Variants in RUSC1 observed in about 807,000 individuals in gnomAD.
RUSC1 encodes the protein AP-4 complex accessory subunit RUSC1.
RUSC1 carries 40 observed loss-of-function variants against 72.1 expected under a neutral mutation model. The observed-to-expected ratio is 0.55, with a 90% CI of 0.43 to 0.72. The LOEUF (loss-of-function observed/expected upper bound fraction) is 0.72, where lower values mean the gene tolerates loss of function less well. RUSC1 is among the 30% of genes least tolerant of loss of function. The pLI, the probability that RUSC1 is intolerant of heterozygous loss-of-function variation, is 0.00. For synonymous variants in RUSC1, 512 were observed against 494.2 expected (o/e 1.04, Z -0.48); for missense variants, 1,092 against 1,172.3 (o/e 0.93, Z 1.00).
Position 155,321,732 on chromosome 1 carries a change from C to A in RUSC1, c.-42C>A, listed in dbSNP as rs1650552153. The A allele has an allele frequency of 6.2e-7, 1 of 1,610,240 alleles. No individual in the cohort carries two copies. Among genetic ancestry groups the A allele is most frequent in the South Asian group, 1.1e-5 (1 of 90,758 alleles). On this transcript the variant is annotated 5_prime_UTR_variant, in exon 2 of 10. Transcript: ENST00000368352. ...AGGTAGGTGGATGTGAGAGACCCTA[C>A]CCTTCTGGTTCTCTAGAAGCCATCC...
chr1:155,324,235 C>G, intron 2 of RUSC1: 1 of 1,450,192 alleles, frequency 6.9e-7, no homozygotes, highest in Non-Finnish European at 9.1e-7. Flanking sequence ...CTCATTGGCA[C>G]TAGAGGTTCT....
rs1557996985 is a variant in RUSC1 at position 155,325,723 on chromosome 1, C to T, written c.1814+51C>T. 1.9e-6 allele frequency: 3 copies of T among 1,599,212 alleles called. No homozygotes were observed. The highest frequency in any genetic ancestry group is 2.6e-6 in the Non-Finnish European group (3 of 1,167,782). On this transcript the variant is annotated intron_variant, in intron 6 of 9. Transcript: ENST00000368352. The surrounding 1 kb of genome is among the most constrained non-coding windows in gnomAD (Gnocchi z 6.5). ...TTCCCACGACCTGGGACTGCAGGAGCGTCATGGGTGGGACACAGTAGTAGT... is the reference window on the plus strand; with the variant it reads ...TTCCCACGACCTGGGACTGCAGGAGTGTCATGGGTGGGACACAGTAGTAGT...
chr1:155,330,326 C>T, intron 9 of RUSC1, 77 bp from the exon 10 acceptor site: 1 of 1,476,920 alleles, frequency 6.8e-7, no homozygotes, highest in Non-Finnish European at 9.4e-7. Context: ...AACAAGGGCA[C>T]TCTAGAGGTG....
rs1176281653 is a variant in RUSC1, at chr1:155,326,405, G to C, written c.1862-175G>C. Reference sequence around the variant, plus strand: ...TGTGTGTGTCTTCCTATTTGGGCTAGGTTCCATGCAGGCGGGGATGTCAGT... The same window carrying C: ...TGTGTGTGTCTTCCTATTTGGGCTACGTTCCATGCAGGCGGGGATGTCAGT... On this transcript the variant is annotated intron_variant, in intron 7 of 9. Transcript: ENST00000368352. The surrounding 1 kb of genome is among the most constrained non-coding windows in gnomAD (Gnocchi z 4.7). 1.6e-6 allele frequency: 1 copy of C among 637,960 alleles called. No individual in the cohort carries two copies. Among genetic ancestry groups the C allele is most frequent in the Non-Finnish European group, 2.7e-6 (1 of 373,690 alleles). The allele number at this position is 637,960 out of a possible 1,614,324, so 39.5% of individuals were successfully genotyped here. A position where few individuals can be genotyped will look rare whatever the true frequency, so the allele number is the denominator to read the frequency against.
At position 155,325,465 on chromosome 1, in the gene RUSC1, C is replaced by T; in HGVS notation, c.1683C>T (p.Ser561=). ...ITGQRRSSPW[S]VVEASVKPGS... is the part of the protein sequence containing the mutation. ...GGCAGCGCAGGAGCAGCCCCTGGAG[C>T]GTGGTGGAGGCGTCGGTGAAGCCAG... The change falls in exon 5 of 10, where the codon AGC becomes AGT. Residue 561 remains serine, a synonymous_variant. Coordinates refer to ENST00000368352, the MANE Select transcript of RUSC1 (RefSeq NM_001105203.2). The surrounding 1 kb of genome is among the most constrained non-coding windows in gnomAD (Gnocchi z 6.5). The T allele has an allele frequency of 2.5e-6, 4 of 1,593,168 alleles. No individual in the cohort carries two copies. The highest frequency in any genetic ancestry group is 3.4e-6 in the Non-Finnish European group (4 of 1,173,320).
rs776308437 is a variant in RUSC1, at chr1:155,326,682, C to T, written c.1964C>T (p.Ser655Leu). Residue 655 changes from serine (S) to leucine (L), a missense_variant, in exon 8 of 10, where the codon TCG becomes TTG. Coordinates refer to ENST00000368352, the MANE Select transcript of RUSC1 (RefSeq NM_001105203.2). The surrounding 1 kb of genome is among the most constrained non-coding windows in gnomAD (Gnocchi z 4.7). ...TELLLLLQPL[S>L]VLTFHLDLLF... ...CTGCTGCTCCTGCTGCAGCCATTGT[C>T]GGTGCTCACTTTCCACCTGGACCTG... 8 of 1,613,680 alleles carry T rather than the reference C, an allele frequency of 5.0e-6. No individual in the cohort carries two copies. Among genetic ancestry groups the T allele is most frequent in the East Asian group, 2.2e-5 (1 of 44,900 alleles).
At chr1:155,324,201 G>A (rs958808967) in intron 2 of RUSC1, 2 of 1,409,192 alleles carry the variant, frequency 1.4e-6, no homozygotes, top group African/African-American at 2.9e-5. Context: ...GCTAGGGAGG[G>A]GTGGAGGGTG....
chr1:155,329,343 CCCAAAGTGCTGG>C (rs113170045), intron 9 of RUSC1, among the ~76,000 whole-genome samples: 1,624 of 151,096 alleles, frequency 0.011, 37 homozygotes, highest in African/African-American at 0.035. Context: ...ACCTTGGCCT[CCCAAAGTGCTGG>C]GATTACAGGT....
chr1:155,322,715 G>T lies in RUSC1; in HGVS notation c.942G>T (p.Thr314=). 6.2e-7 allele frequency: 1 copy of T among 1,614,212 alleles called. No homozygotes were observed. Among genetic ancestry groups the T allele is most frequent in the Non-Finnish European group, 8.5e-7 (1 of 1,180,026 alleles). Residue 314 remains threonine, a synonymous_variant, in exon 2 of 10, where the codon ACG becomes ACT. Transcript: ENST00000368352. ...AGCCGGTGCCCCACCGGACAATCAC[G>T]TCCTTCCACGAGCTGGCCCAGAAGC... The part of the protein sequence containing the change: ...SEEPVPHRTI[T]SFHELAQKRK...
chr1:155,321,694 A>G lies in RUSC1; in HGVS notation c.-80A>G. On this transcript the variant is annotated 5_prime_UTR_variant, in exon 2 of 10. Coordinates refer to ENST00000368352, the MANE Select transcript of RUSC1 (RefSeq NM_001105203.2). ...CACCACCTCTGTCTTCTAGGTCTGC[A>G]CCTGTGGTTGCCAGGTAGGTGGATG... The G allele has an allele frequency of 6.4e-7, 1 of 1,562,998 alleles. No individual in the cohort carries two copies.
chr1:155,321,621 T>C (rs546420182), intron 1 of RUSC1, 67 bp from the exon 2 acceptor site: 58 of 1,260,770 alleles, frequency 4.6e-5, no homozygotes, highest in East Asian at 3.5e-4. Flanking sequence ...TGCCGTCAAG[T>C]CACCTCGGTG....
In RUSC1 at chr1:155,326,611, AT is replaced by A. The variant is rs1162045076; in HGVS notation, c.1898del (p.Phe633SerfsTer101). The A allele has an allele frequency of 3.7e-6, 6 of 1,613,160 alleles. No homozygotes were observed. The stretch of plus-strand genomic sequence containing the variant: ...TCTCCCTCCTGTACCTGCCAACAGG[AT>A]TTTTCTCCCTGGCCCGCGGTGGTTG... ...LLSLLYLPTG[F>X]FSLARGGCPS... On this transcript the variant is annotated frameshift_variant, in exon 8 of 10. Coordinates refer to ENST00000368352, the MANE Select transcript of RUSC1 (RefSeq NM_001105203.2). LOFTEE classifies it high-confidence loss of function. This position sits in a 1 kb window ranked among gnomAD's most constrained non-coding sequence, Gnocchi z 4.7.
chr1:155,321,040 G>T, intron 1 of RUSC1, 49 bp downstream of exon 1: 1 of 1,466,850 alleles, frequency 6.8e-7, no homozygotes, highest in Non-Finnish European at 9.2e-7. Flanking sequence ...CTGGGCACGA[G>T]GGGCGGGGCA....
Position 155,326,680 on chromosome 1 carries a change from G to A in RUSC1, c.1962G>A (p.Leu654=). 1.2e-6 allele frequency: 2 copies of A among 1,613,812 alleles called. No individual in the cohort carries two copies. Among genetic ancestry groups the A allele is most frequent in the Non-Finnish European group, 1.7e-6 (2 of 1,180,046 alleles). ...STELLLLLQP[L]SVLTFHLDLL... is the part of the protein sequence containing the mutation. ...AGCTGCTGCTCCTGCTGCAGCCATT[G>A]TCGGTGCTCACTTTCCACCTGGACC... Residue 654 remains leucine (L), a synonymous_variant, in exon 8 of 10, where the codon TTG becomes TTA. Coordinates refer to ENST00000368352, the MANE Select transcript of RUSC1 (RefSeq NM_001105203.2). The surrounding 1 kb of genome is among the most constrained non-coding windows in gnomAD (Gnocchi z 4.7).
chr1:155,324,583 TGGA>T (rs748116328), intron 2 of RUSC1: 1 of 1,570,094 alleles, frequency 6.4e-7, no homozygotes, highest in African/African-American at 1.4e-5. Context: ...TCCGGGATCC[TGGA>T]GGTGGGGGCT....
Position 155,322,096 on chromosome 1 carries a change from C to A in RUSC1, c.323C>A (p.Ser108Tyr), listed in dbSNP as rs1010038488. The change falls in exon 2 of 10, where the codon TCC becomes TAC. Residue 108 changes from serine to tyrosine, a missense_variant. Physicochemically the swap from Ser to Tyr is moderately radical, Grantham distance 144. Coordinates refer to ENST00000368352, the MANE Select transcript of RUSC1 (RefSeq NM_001105203.2). Reference protein sequence around the residue: ...SDPGCSSSLSSCSDLSPDESP... With the variant: ...SDPGCSSSLSYCSDLSPDESP... Reference sequence around the variant, plus strand: ...CCAGGCTGCTCCTCCTCACTCAGCTCCTGCTCAGATCTTAGCCCCGATGAG... The same window carrying A: ...CCAGGCTGCTCCTCCTCACTCAGCTACTGCTCAGATCTTAGCCCCGATGAG... The A allele has an allele frequency of 1.9e-6, 3 of 1,613,650 alleles. No individual in the cohort carries two copies. The highest frequency in any genetic ancestry group is 1.7e-5 in the Admixed American group (1 of 59,972).
Position 155,325,037 on chromosome 1 carries a change from G to C in RUSC1, c.1457-65G>C. On this transcript the variant is annotated intron_variant, in intron 3 of 9. Transcript: ENST00000368352. This position sits in a 1 kb window ranked among gnomAD's most constrained non-coding sequence, Gnocchi z 6.5. ...GGCTGTCCGAAGGCAGTCTCTCCAC[G>C]CCCCTCGGGCAAGCCTGGGTAGGGG... The C allele has an allele frequency of 1.3e-5, 21 of 1,613,958 alleles. No individual in the cohort carries two copies. Among genetic ancestry groups the C allele is most frequent in the Non-Finnish European group, 1.8e-5 (21 of 1,179,886 alleles).
At chr1:155,324,538 G>A (rs369506877) in intron 2 of RUSC1, 152 of 1,593,722 alleles carry the variant, frequency 9.5e-5, no homozygotes, top group Non-Finnish European at 1.3e-4. Flanking sequence ...AGCAGGGCAG[G>A]CGGGAGGTGA....
intron 2 of RUSC1, chr1:155,324,197 G>A: frequency 4.3e-6 from 6 of 1,404,882 alleles, no homozygotes; most frequent in East Asian, 2.8e-5. Context: ...CCTTGCTAGG[G>A]AGGGGTGGAG....
Sources: gnomAD v4.1 joint callset for allele counts (sites outside exome capture counted in the v4.1 genomes callset) on GRCh38, gnomAD v4.1.1 for gene constraint, Gnocchi (gnomAD v3.1) non-coding constraint, MANE v1.5 for transcripts, NCBI Gene and HGNC (gene_info 2026-07-23, HGNC 2026-07-21) for gene names.